TANC1: variants seen among roughly 807,000 people sequenced by gnomAD.
TANC1 encodes tetratricopeptide repeat, ankyrin repeat and coiled-coil containing 1, also known as protein TANC1.
TANC1 carries 77 observed loss-of-function variants against 149.7 expected under a neutral mutation model. The ratio of observed to expected loss-of-function variants is 0.51; its 90% CI spans 0.43 to 0.62. The LOEUF is 0.62. Among genes scored for constraint, TANC1 ranks in the 20% least tolerant of loss-of-function variants. The pLI, the probability that TANC1 is intolerant of heterozygous loss-of-function variation, is 0.00. For synonymous variants in TANC1, 854 were observed against 925.0 expected (o/e 0.92, Z 1.39); for missense variants, 1,985 against 2,321.8 (o/e 0.85, Z 2.98).
chr2:159,165,380 T>C (rs2054483895), intron 8 of TANC1, among the ~76,000 whole-genome samples: 1 of 152,238 alleles, frequency 6.6e-6, no homozygotes, highest in Non-Finnish European at 1.5e-5. Context: ...GAGCAAAGTC[T>C]ACCTGGCCTA....
intron 7 of TANC1, among the ~76,000 whole-genome samples, chr2:159,152,457 A>G (rs1028966682): frequency 2.0e-5 from 3 of 147,994 alleles, no homozygotes; most frequent in African/African-American, 7.4e-5. Context: ...CTTTGATTAT[A>G]ACCAAATTTT....
At chr2:159,201,859 CCTCGT>C (rs1167969315) in intron 19 of TANC1, among the ~76,000 whole-genome samples, 2 of 152,246 alleles carry the variant, frequency 1.3e-5, no homozygotes, top group African/African-American at 4.8e-5. Context: ...GGCAGAGCTT[CCTCGT>C]CTGTTTTGAC....
intron 1 of TANC1, among the ~76,000 whole-genome samples, chr2:158,983,449 A>G (rs1387863802): frequency 9.3e-5 from 13 of 139,692 alleles, no homozygotes; most frequent in African/African-American, 3.5e-4. Context: ...CCTGGGAGAC[A>G]GAGCAAGACT....
At chr2:158,982,553 C>G (rs2034500524) in intron 1 of TANC1, among the ~76,000 whole-genome samples, 1 of 152,212 alleles carries the variant, frequency 6.6e-6, no homozygotes, top group South Asian at 2.1e-4. Context: ...AAAACCAGAT[C>G]ATCTTCCACC....
chr2:159,004,499 TCCTC>T (rs149719482), intron 2 of TANC1, among the ~76,000 whole-genome samples: 6,946 of 152,214 alleles, frequency 0.046, 487 homozygotes, highest in African/African-American at 0.15. Context: ...ATTTTGCACT[TCCTC>T]CCAGGATTTT....
rs75465537 is a variant in TANC1 at position 159,063,386 on chromosome 2, C to T, written c.-15-2510C>T. Among the ~76,000 whole-genome samples the T allele has an allele frequency of 2.3e-3, 345 of 152,276 alleles. 3 individuals carry two copies. Among genetic ancestry groups the T allele is most frequent in the African/African-American group, 7.7e-3 (319 of 41,546 alleles). Reference sequence around the variant, plus strand: ...ACCATCCCCCTTTCAGTGGGCATAGCCTGTATGTCCATTGGTGACTGTTAA... The same window carrying T: ...ACCATCCCCCTTTCAGTGGGCATAGTCTGTATGTCCATTGGTGACTGTTAA... On this transcript the variant is annotated intron_variant, in intron 2 of 26. Coordinates refer to ENST00000263635, the MANE Select transcript of TANC1 (RefSeq NM_033394.3).
chr2:159,083,131 G>A (rs1274699404), intron 3 of TANC1, among the ~76,000 whole-genome samples: 1 of 152,010 alleles, frequency 6.6e-6, no homozygotes, highest in Non-Finnish European at 1.5e-5. Context: ...TTTTAGTAGG[G>A]ATGGGGTTTC....
intron 4 of TANC1, among the ~76,000 whole-genome samples, chr2:159,112,636 C>G (rs1286901779): frequency 6.7e-6 from 1 of 148,730 alleles, no homozygotes; most frequent in Non-Finnish European, 1.5e-5. Context: ...GGCACAATCA[C>G]AGCTCACTGC....
chr2:159,069,828 G>C, intron 3 of TANC1, among the ~76,000 whole-genome samples: 1 of 149,732 alleles, frequency 6.7e-6, no homozygotes, highest in Admixed American at 6.6e-5. Flanking sequence ...GAGTGCAGTG[G>C]CGTGATCTCG....
intron 3 of TANC1, among the ~76,000 whole-genome samples, chr2:159,083,360 A>G (rs1261988655): frequency 1.3e-5 from 2 of 151,568 alleles, no homozygotes. Context: ...CCCACCAGCC[A>G]TGTTGTATGT....
At position 159,215,015 on chromosome 2, in the gene TANC1, T is replaced by G. The variant is rs551640565; in HGVS notation, c.3245-2482T>G. 1.2e-3 allele frequency among the ~76,000 whole-genome samples: 179 copies of G among 152,236 alleles called. 1 individual carries two copies. Among genetic ancestry groups the G allele is most frequent in the African/African-American group, 4.1e-3 (169 of 41,516 alleles). ...TAAACTCTTATGAGGGGCTGGTCTG[T>G]GATGAGGCCACTGAAGAAGTTCCCC... On this transcript the variant is annotated intron_variant, in intron 19 of 26. Transcript: ENST00000263635.
intron 2 of TANC1, among the ~76,000 whole-genome samples, chr2:159,062,830 G>A (rs553825237): frequency 1.2e-4 from 18 of 151,494 alleles, no homozygotes; most frequent in Admixed American, 1.1e-3. Context: ...AGCCGGGCGC[G>A]GTGGTGGGTG....
At chr2:159,173,429 A>G (rs1317820302) in intron 11 of TANC1, among the ~76,000 whole-genome samples, 1 of 152,030 alleles carries the variant, frequency 6.6e-6, no homozygotes, top group Non-Finnish European at 1.5e-5. Context: ...ACATATTGAA[A>G]CCTCGTCTCT....
intron 3 of TANC1, among the ~76,000 whole-genome samples, chr2:159,095,619 C>T (rs569645925): frequency 3.9e-4 from 59 of 151,814 alleles, no homozygotes; most frequent in Non-Finnish European, 7.4e-4. Flanking sequence ...GCCTGTAATC[C>T]CAGCTACTCA....
At chr2:159,088,732 C>T (rs1289143090) in intron 3 of TANC1, among the ~76,000 whole-genome samples, 3 of 152,046 alleles carry the variant, frequency 2.0e-5, no homozygotes, top group African/African-American at 4.8e-5. Flanking sequence ...GTGTATTTTA[C>T]GTGTGGCCCA....
At chr2:159,171,871 A>AGAAAAAG (rs1553599447) in intron 10 of TANC1, among the ~76,000 whole-genome samples, 2 of 105,598 alleles carry the variant, frequency 1.9e-5, no homozygotes, top group African/African-American at 3.3e-5. Flanking sequence ...AAAAAAAAAA[A>AGAAAAAG]AAAAGAAAAA....
chr2:159,219,782 T>C lies in TANC1; in HGVS notation c.3593T>C (p.Val1198Ala), dbSNP rs1427452252. Residue 1198 changes from valine (V) to alanine (A), a missense_variant, in exon 22 of 27, where the codon GTT becomes GCT. Val to Ala is a moderately conservative substitution (Grantham distance 64). Around this residue, in one of 3 missense-constraint regions of TANC1, gnomAD observed 920 missense variants for 994.7 expected, o/e 0.92. Coordinates refer to ENST00000263635, the MANE Select transcript of TANC1 (RefSeq NM_033394.3). ...CACAGGGCAGTGGTCCAGTATCTGG[T>C]TGAAGAAGGAGCTGCAATAGACCAG... ...KGHRAVVQYL[V>A]EEGAAIDQTD... is the part of the protein sequence containing the mutation. The C allele has an allele frequency of 6.2e-7, 1 of 1,614,060 alleles. No individual in the cohort carries two copies. Among genetic ancestry groups the C allele is most frequent in the Non-Finnish European group, 8.5e-7 (1 of 1,180,042 alleles).
intron 2 of TANC1, among the ~76,000 whole-genome samples, chr2:159,063,928 G>A (rs1211292417): frequency 1.3e-5 from 2 of 152,156 alleles, no homozygotes; most frequent in African/African-American, 2.4e-5. Context: ...CATGGATGTG[G>A]TGGGGCCTGA....
chr2:159,178,408 A>G (rs4665031), intron 13 of TANC1, 148 bp from the exon 14 acceptor site: 906,824 of 913,622 alleles, frequency 0.99, 450,130 homozygotes, highest in East Asian at 1. Context: ...ACCTTATCCT[A>G]TTACACGTTT....
Sources: gnomAD v4.1 joint callset for allele counts (sites outside exome capture counted in the v4.1 genomes callset) on GRCh38, gnomAD v4.1.1 for gene constraint, gnomAD v4.1.1 regional missense constraint, MANE v1.5 for transcripts, NCBI Gene and HGNC (gene_info 2026-07-23, HGNC 2026-07-21) for gene names.